TEK: variants seen among roughly 807,000 people sequenced by gnomAD.
TEK encodes the protein TEK receptor tyrosine kinase.
Under a neutral mutation model 131.8 loss-of-function variants are expected in TEK, and 43 were observed. The ratio of observed to expected loss-of-function variants is 0.33; its 90% CI spans 0.26 to 0.42. The LOEUF is 0.42. Ranked by LOEUF, TEK falls within the 10% of genes least tolerant of loss-of-function variation. The pLI is 1.00. For missense variants in TEK, 1,162 were observed against 1,384.4 expected, an observed-to-expected ratio of 0.84 and a Z score of 2.55; for synonymous variants, 580 against 491.6, an observed-to-expected ratio of 1.18 and a Z score of -2.38.
rs45521836 is a variant in TEK, at chr9:27,229,438, A to C, written c.*206A>C. 6.7e-3 allele frequency: 4,011 copies of C among 594,404 alleles called. 24 individuals carry two copies. The highest frequency in any genetic ancestry group is 0.015 in the Middle Eastern group (34 of 2,242). 36.8% of individuals were successfully genotyped at this position (594,404 alleles called of 1,614,324 possible). ...ATAGGACTGTATATACTGTTTTAAG[A>C]ATGGGCTGAAATCAGAATGCCTGTT... On this transcript the variant is annotated 3_prime_UTR_variant, in exon 23 of 23. Coordinates refer to ENST00000380036, the MANE Select transcript of TEK (RefSeq NM_000459.5).
In TEK at chr9:27,148,844, C is replaced by T. The variant is rs372033096; in HGVS notation, c.53-8987C>T. Among the ~76,000 whole-genome samples, 439 of 152,200 alleles carry T rather than the reference C, an allele frequency of 2.9e-3. 3 individuals carry two copies. The highest frequency in any genetic ancestry group is 9.1e-3 in the African/African-American group (378 of 41,520). On this transcript the variant is annotated intron_variant, in intron 1 of 22. Transcript: ENST00000380036. ...CTCCTTAAGTTTTACATGTAACATACGTTTTACATGTAACAGTATTTTTCT... is the reference window on the plus strand; with the variant it reads ...CTCCTTAAGTTTTACATGTAACATATGTTTTACATGTAACAGTATTTTTCT...
intron 1 of TEK, among the ~76,000 whole-genome samples, chr9:27,147,265 G>GT (rs1396625758): frequency 6.6e-6 from 1 of 150,836 alleles, no homozygotes. Context: ...TTCTTTTTTT[G>GT]TTTTTTGATC....
At chr9:27,121,208 TC>T (rs1189837376) in intron 1 of TEK, among the ~76,000 whole-genome samples, 2 of 152,042 alleles carry the variant, frequency 1.3e-5, no homozygotes, top group Non-Finnish European at 2.9e-5. Flanking sequence ...ACACTTGTAG[TC>T]CCAGCTACTT....
chr9:27,172,980 C>A (rs1824018502), intron 5 of TEK, among the ~76,000 whole-genome samples: 1 of 152,038 alleles, frequency 6.6e-6, no homozygotes. Context: ...GTGAATGCTG[C>A]CCCCTAGGTT....
chr9:27,180,253 T>A lies in TEK; in HGVS notation c.915T>A (p.Gly305=), dbSNP rs371104063. The change falls in exon 7 of 23, where the codon GGT becomes GGA. Residue 305 remains glycine (G), a synonymous_variant. Transcript: ENST00000380036. ...CTCTGTTTACAGCATGCCACCCTGG[T>A]TTTTACGGGCCAGATTGTAAGCTTA... ...GLQCNEACHP[G]FYGPDCKLRC... is the part of the protein sequence containing the mutation. 1.2e-6 allele frequency: 2 copies of A among 1,613,686 alleles called. No homozygotes were observed. The highest frequency in any genetic ancestry group is 8.5e-7 in the Non-Finnish European group (1 of 1,179,804).
intron 2 of TEK, among the ~76,000 whole-genome samples, chr9:27,162,680 C>T (rs1190355318): frequency 6.6e-6 from 1 of 151,914 alleles, no homozygotes; most frequent in Non-Finnish European, 1.5e-5. Context: ...AAATCTGAAA[C>T]AGTTTAGTTC....
intron 18 of TEK, among the ~76,000 whole-genome samples, chr9:27,215,027 C>G (rs1424817590): frequency 2.0e-5 from 3 of 152,160 alleles, no homozygotes; most frequent in Non-Finnish European, 4.4e-5. Context: ...TCCTGAAATC[C>G]TTTTCCCTGC....
intron 3 of TEK, 77 bp from the exon 4 acceptor site, chr9:27,169,400 A>T: frequency 6.3e-7 from 1 of 1,596,080 alleles, no homozygotes; most frequent in Non-Finnish European, 8.6e-7. Context: ...GGGAAAGCTA[A>T]TTAAGTGGAG....
intron 1 of TEK, among the ~76,000 whole-genome samples, chr9:27,110,844 G>A (rs989518906): frequency 6.6e-5 from 10 of 152,106 alleles, no homozygotes; most frequent in African/African-American, 2.2e-4. Flanking sequence ...CAGTATTTAT[G>A]TGGAAATTGT....
At position 27,230,011 on chromosome 9, in the gene TEK, T is replaced by C. The variant is rs1826502273; in HGVS notation, c.*779T>C. The C allele has an allele frequency of 6.6e-6, 1 of 152,292 alleles. No individual in the cohort carries two copies. Among genetic ancestry groups the C allele is most frequent in the South Asian group, 2.1e-4 (1 of 4,840 alleles). The allele number at this position is 152,292 out of a possible 1,614,324, so 9.4% of individuals were successfully genotyped here. A position where few individuals can be genotyped will look rare whatever the true frequency, so the allele number is the denominator to read the frequency against. On this transcript the variant is annotated 3_prime_UTR_variant, in exon 23 of 23. Coordinates refer to ENST00000380036, the MANE Select transcript of TEK (RefSeq NM_000459.5). ...AAATAACAGAAAGCCTGGGTGACAT[T>C]TGGGAGACATGTGACATTTATATAT...
rs528778045 is a variant in TEK at position 27,125,294 on chromosome 9, A to G, written c.52+15652A>G. On this transcript the variant is annotated intron_variant, in intron 1 of 22. Transcript: ENST00000380036. Reference sequence around the variant, plus strand: ...CTAGAGTATGGAAGCCCATCAGTAAATTATGATTGCAGCATGAGTAATACA... The same window carrying G: ...CTAGAGTATGGAAGCCCATCAGTAAGTTATGATTGCAGCATGAGTAATACA... Among the ~76,000 whole-genome samples, 4 of 152,362 alleles carry G rather than the reference A, an allele frequency of 2.6e-5. No homozygotes were observed. In the South Asian group the frequency reaches 8.3e-4, roughly 32 times the overall value.
chr9:27,223,057 A>T (rs2131254560), intron 21 of TEK, among the ~76,000 whole-genome samples: 1 of 152,340 alleles, frequency 6.6e-6, no homozygotes, highest in Admixed American at 6.5e-5. Flanking sequence ...GGATCAATGC[A>T]CCAAGAACAG....
chr9:27,163,068 A>G (rs532547838), intron 2 of TEK, among the ~76,000 whole-genome samples: 12 of 152,330 alleles, frequency 7.9e-5, no homozygotes, highest in African/African-American at 2.4e-4. Context: ...GAATACTTGT[A>G]TGCCTGACAT....
At chr9:27,156,988 G>C (rs548650903) in intron 1 of TEK, among the ~76,000 whole-genome samples, 1 of 152,138 alleles carries the variant, frequency 6.6e-6, no homozygotes, top group Non-Finnish European at 1.5e-5. Context: ...AAAAGGGAGG[G>C]GTGGGGAGGG....
intron 22 of TEK, among the ~76,000 whole-genome samples, chr9:27,228,900 T>C (rs1359653453): frequency 6.6e-6 from 1 of 151,862 alleles, no homozygotes; most frequent in Non-Finnish European, 1.5e-5. Context: ...CATTAGGAGG[T>C]ACCAATAAGA....
At chr9:27,170,828 C>G (rs533881988) in intron 4 of TEK, among the ~76,000 whole-genome samples, 2 of 152,216 alleles carry the variant, frequency 1.3e-5, no homozygotes, top group African/African-American at 4.8e-5. Context: ...GTCTATCAGC[C>G]TAGACCAGTG....
chr9:27,229,417 G>C lies in TEK; in HGVS notation c.*185G>C. 1.5e-6 allele frequency: 1 copy of C among 671,092 alleles called. No individual in the cohort carries two copies. The highest frequency in any genetic ancestry group is 2.7e-6 in the Non-Finnish European group (1 of 367,752). The allele number at this position is 671,092 out of a possible 1,614,324, so 41.6% of individuals were successfully genotyped here. A position where few individuals can be genotyped will look rare whatever the true frequency, so the allele number is the denominator to read the frequency against. ...ATGTAGTATGCTCTGACTCTAATAG[G>C]ACTGTATATACTGTTTTAAGAATGG... On this transcript the variant is annotated 3_prime_UTR_variant, in exon 23 of 23. Transcript: ENST00000380036.
At chr9:27,114,140 A>T (rs1480299023) in intron 1 of TEK, among the ~76,000 whole-genome samples, 1 of 152,208 alleles carries the variant, frequency 6.6e-6, no homozygotes, top group East Asian at 1.9e-4. Context: ...TTCTATTCTC[A>T]TTAGTACATG....
At chr9:27,142,243 C>T (rs535827047) in intron 1 of TEK, among the ~76,000 whole-genome samples, 15 of 152,320 alleles carry the variant, frequency 9.8e-5, no homozygotes, top group Admixed American at 9.8e-4. Flanking sequence ...TTTTAAGCAT[C>T]TGTACTTGTG....
Sources: gnomAD v4.1 joint callset for allele counts (sites outside exome capture counted in the v4.1 genomes callset) on GRCh38, gnomAD v4.1.1 for gene constraint, MANE v1.5 for transcripts, NCBI Gene and HGNC (gene_info 2026-07-23, HGNC 2026-07-21) for gene names.